The following DDHD1 variants were observed in gnomAD, a reference collection of about 807,000 sequenced individuals.
DDHD1 encodes DDHD domain containing 1.
DDHD1 carries 49 observed loss-of-function variants against 96.4 expected under a neutral mutation model. The observed-to-expected ratio is 0.51, with a 90% CI of 0.40 to 0.64. The LOEUF (loss-of-function observed/expected upper bound fraction) is 0.64, where lower values mean the gene tolerates loss of function less well. DDHD1 is among the 30% of genes least tolerant of loss of function. DDHD1 has a pLI of 0.00. For missense variants in DDHD1, 1,106 were observed against 1,161.2 expected, an observed-to-expected ratio of 0.95 and a Z score of 0.69; for synonymous variants, 442 against 446.5, an observed-to-expected ratio of 0.99 and a Z score of 0.13.
chr14:53,042,941 A>G lies in DDHD1; in HGVS notation c.*3827T>C, dbSNP rs1881755637. ...TCTCGATTGTCCACATGCCTTACTCATTAATTAGCTGAGAAGATAGAAATA... is the reference window on the plus strand; with the variant it reads ...TCTCGATTGTCCACATGCCTTACTCGTTAATTAGCTGAGAAGATAGAAATA... On this transcript the variant is annotated 3_prime_UTR_variant, in exon 13 of 13. Coordinates refer to ENST00000673822, the MANE Select transcript of DDHD1 (RefSeq NM_001160148.2). 6.6e-6 allele frequency: 1 copy of G among 152,214 alleles called. No individual in the cohort carries two copies. The highest frequency in any genetic ancestry group is 1.5e-5 in the Non-Finnish European group (1 of 68,042). The allele number at this position is 152,214 out of a possible 1,614,324, so 9.4% of individuals were successfully genotyped here.
At chr14:53,138,097 GT>G (rs1595254215) in intron 1 of DDHD1, among the ~76,000 whole-genome samples, 1 of 152,138 alleles carries the variant, frequency 6.6e-6, no homozygotes, top group African/African-American at 2.4e-5. Flanking sequence ...TAAAGAAATT[GT>G]TTTTTTAAAA....
intron 1 of DDHD1, among the ~76,000 whole-genome samples, chr14:53,141,167 A>G (rs1334170675): frequency 6.6e-6 from 1 of 152,226 alleles, no homozygotes; most frequent in Non-Finnish European, 1.5e-5. Context: ...GATCAATAAG[A>G]TACAGAAGTT....
chr14:53,119,472 G>A (rs1267365883), intron 1 of DDHD1, among the ~76,000 whole-genome samples: 2 of 152,126 alleles, frequency 1.3e-5, no homozygotes, highest in African/African-American at 4.8e-5. Context: ...GCCTCATCCT[G>A]AAACCAAAAC....
At chr14:53,077,800 T>C (rs1291570845) in intron 4 of DDHD1, among the ~76,000 whole-genome samples, 2 of 152,088 alleles carry the variant, frequency 1.3e-5, no homozygotes, top group Non-Finnish European at 2.9e-5. Flanking sequence ...AGTCACTCTC[T>C]ATCCCTCTTC....
chr14:53,121,615 G>A (rs891289534), intron 1 of DDHD1, among the ~76,000 whole-genome samples: 11 of 152,178 alleles, frequency 7.2e-5, no homozygotes, highest in Non-Finnish European at 1.2e-4. Flanking sequence ...AAAAGGATGC[G>A]TTCATGTCCT....
At chr14:53,103,887 A>AT in intron 1 of DDHD1, 31 bp from the exon 2 acceptor site, 1 of 1,532,736 alleles carries the variant, frequency 6.5e-7, no homozygotes. Flanking sequence ...AATTATACAC[A>AT]TTTTAAGATT....
intron 1 of DDHD1, among the ~76,000 whole-genome samples, chr14:53,146,112 A>T (rs909460369): frequency 5.3e-5 from 8 of 152,176 alleles, no homozygotes; most frequent in African/African-American, 1.9e-4. Context: ...AGGCTGAGGC[A>T]GGAGAATCAC....
chr14:53,096,997 T>C (rs1295935297), intron 2 of DDHD1, among the ~76,000 whole-genome samples: 2 of 151,998 alleles, frequency 1.3e-5, no homozygotes, highest in African/African-American at 2.4e-5. Context: ...ACATTTTCCC[T>C]GTCAAATTTT....
chr14:53,054,569 G>C lies in DDHD1; in HGVS notation c.2306C>G (p.Ser769Cys), dbSNP rs1882875104. ...TGATGTTTCAGATGACTGTGTTGTA[G>C]ATGAACGTCCAAATCTTGAGAACAA... Reference protein sequence around the residue: ...GMLFSRFGRSSTTQSSETSKD... With the variant: ...GMLFSRFGRSCTTQSSETSKD... Residue 769 changes from serine to cysteine, a missense_variant, in exon 11 of 13, where the codon TCT becomes TGT. Coordinates refer to ENST00000673822, the MANE Select transcript of DDHD1 (RefSeq NM_001160148.2). 5 of 1,614,066 alleles carry C rather than the reference G, an allele frequency of 3.1e-6. No individual in the cohort carries two copies. Among genetic ancestry groups the C allele is most frequent in the Non-Finnish European group, 4.2e-6 (5 of 1,179,968 alleles).
rs144016382 is a variant in DDHD1, at chr14:53,096,146, G to A, written c.1013-2702C>T. On this transcript the variant is annotated intron_variant, in intron 2 of 12. Transcript: ENST00000673822. ...GGAATGCTTTCGTTTAAGACCTGTC[G>A]CATCTGTACTCTCCTTATATCTTCT... The A allele has an allele frequency of 6.4e-3, 6,265 of 985,048 alleles. 19 individuals carry two copies. Among genetic ancestry groups the A allele is most frequent in the Non-Finnish European group, 7.0e-3 (5,805 of 829,598 alleles). 61.0% of individuals were successfully genotyped at this position (985,048 alleles called of 1,614,324 possible). A position where few individuals can be genotyped will look rare whatever the true frequency, so the allele number is the denominator to read the frequency against.
intron 1 of DDHD1, among the ~76,000 whole-genome samples, chr14:53,145,453 T>A (rs1287884563): frequency 1.4e-5 from 2 of 140,666 alleles, no homozygotes; most frequent in African/African-American, 5.4e-5. Flanking sequence ...CAGTGAACTA[T>A]GATCACTCCA....
chr14:53,053,823 C>T (rs930852971), intron 11 of DDHD1: 3 of 152,068 alleles, frequency 2.0e-5, no homozygotes, highest in Admixed American at 6.5e-5. Flanking sequence ...TAAGTGTATT[C>T]GTGTTTCACA....
In DDHD1 at chr14:53,143,511, C is replaced by T. The variant is rs966938795; in HGVS notation, c.838+8750G>A. Among the ~76,000 whole-genome samples the T allele has an allele frequency of 5.1e-4, 77 of 152,172 alleles. 1 individual carries two copies. Among genetic ancestry groups the T allele is most frequent in the Non-Finnish European group, 2.9e-5 (2 of 68,034 alleles). ...AGACAGGGTCATTTATAATCTGACG[C>T]GTCCACCTTACTACTGTGTCTGGTT... On this transcript the variant is annotated intron_variant, in intron 1 of 12. Transcript: ENST00000673822.
chr14:53,054,467 T>C lies in DDHD1; in HGVS notation c.2408A>G (p.His803Arg), dbSNP rs144016130. 1.1e-3 allele frequency: 1,849 copies of C among 1,613,902 alleles called. 3 individuals carry two copies. The highest frequency in any genetic ancestry group is 1.4e-3 in the Non-Finnish European group (1,629 of 1,179,920). The change falls in exon 11 of 13, where the codon CAT becomes CGT. Residue 803 changes from histidine (H) to arginine (R), a missense_variant. By Grantham distance (29) the His-to-Arg change is conservative (BLOSUM62 0). This residue lies in a region of DDHD1 where 650 missense variants were observed against 758.8 expected (regional missense o/e 0.86). Transcript: ENST00000673822. ...AGAATCGAGGAAGCCAGAACTGCTA[T>C]GTGGAAGGGTCTGTGTCCCTACGGT... ...ATTVGTQTLP[H>R]SSSGFLDSAY...
At chr14:53,073,350 A>C (rs1405689869) in intron 5 of DDHD1, among the ~76,000 whole-genome samples, 1 of 152,028 alleles carries the variant, frequency 6.6e-6, no homozygotes, top group Non-Finnish European at 1.5e-5. Context: ...TATGGGGAGA[A>C]AATTATTAGA....
At chr14:53,150,026 G>A (rs1891237671) in intron 1 of DDHD1, 1 of 152,092 alleles carries the variant, frequency 6.6e-6, no homozygotes, top group Non-Finnish European at 1.5e-5. Flanking sequence ...CCATTCATGT[G>A]CAGGTGCTCC....
At chr14:53,076,407 G>C (rs1884963147) in intron 4 of DDHD1, among the ~76,000 whole-genome samples, 1 of 152,158 alleles carries the variant, frequency 6.6e-6, no homozygotes, top group Admixed American at 6.5e-5. Context: ...CTGAATTGCT[G>C]CAATTTCATG....
chr14:53,076,156 G>A (rs1396605540), intron 4 of DDHD1, among the ~76,000 whole-genome samples: 1 of 151,840 alleles, frequency 6.6e-6, no homozygotes, highest in Admixed American at 6.6e-5. Context: ...GATAGTGGAT[G>A]AATCTGGGCA....
intron 4 of DDHD1, among the ~76,000 whole-genome samples, chr14:53,088,848 G>C (rs1269107496): frequency 6.6e-6 from 1 of 152,128 alleles, no homozygotes; most frequent in African/African-American, 2.4e-5. Flanking sequence ...AGGAAATAAA[G>C]GGTATTCAAT....
Sources: gnomAD v4.1 joint callset for allele counts (sites outside exome capture counted in the v4.1 genomes callset) on GRCh38, gnomAD v4.1.1 for gene constraint, gnomAD v4.1.1 regional missense constraint, MANE v1.5 for transcripts, NCBI Gene and HGNC (gene_info 2026-07-23, HGNC 2026-07-21) for gene names.